The following RPS6KA2 variants were observed in gnomAD, a reference collection of about 807,000 sequenced individuals.
The protein encoded by RPS6KA2 is ribosomal protein S6 kinase alpha-2.
Under a neutral mutation model 91.8 loss-of-function variants are expected in RPS6KA2, and 42 were observed. That is an observed-to-expected ratio of 0.46 (90% CI 0.36 to 0.59). The LOEUF (loss-of-function observed/expected upper bound fraction) is 0.59. Among genes scored for constraint, RPS6KA2 ranks in the 20% least tolerant of loss-of-function variants. The pLI is 0.00. For synonymous variants in RPS6KA2, 414 were observed against 393.6 expected, an observed-to-expected ratio of 1.05 and a Z score of -0.61; for missense variants, 798 against 978.5, an observed-to-expected ratio of 0.82 and a Z score of 2.46.
chr6:166,464,320 C>T (rs1780440126), intron 11 of RPS6KA2, among the ~76,000 whole-genome samples: 1 of 152,238 alleles, frequency 6.6e-6, no homozygotes, highest in African/African-American at 2.4e-5. Flanking sequence ...GTCTCCTCTA[C>T]AAGTTTCTCC....
At chr6:166,846,625 T>C (rs1284251856) in intron 2 of RPS6KA2, among the ~76,000 whole-genome samples, 1 of 152,176 alleles carries the variant, frequency 6.6e-6, no homozygotes, top group Non-Finnish European at 1.5e-5. Context: ...ATCATCCCAA[T>C]AGATGCAGAA....
chr6:166,646,905 C>A (rs1787623099), intron 2 of RPS6KA2, among the ~76,000 whole-genome samples: 1 of 152,136 alleles, frequency 6.6e-6, no homozygotes, highest in Non-Finnish European at 1.5e-5. Flanking sequence ...GCGAGCCGCT[C>A]CCCTGTGTGC....
At chr6:166,695,791 G>A (rs1789340643) in intron 2 of RPS6KA2, among the ~76,000 whole-genome samples, 2 of 138,012 alleles carry the variant, frequency 1.4e-5, no homozygotes, top group South Asian at 4.2e-4. Flanking sequence ...ATTCTCACAG[G>A]AGCACTGGAT....
chr6:166,860,753 A>G (rs1781029101), intron 1 of RPS6KA2, among the ~76,000 whole-genome samples: 1 of 152,204 alleles, frequency 6.6e-6, no homozygotes, highest in South Asian at 2.1e-4. Context: ...ATGAGAAAAG[A>G]ACTTCTAGCT....
chr6:166,816,144 T>G (rs1400742469), intron 2 of RPS6KA2, among the ~76,000 whole-genome samples: 1 of 152,118 alleles, frequency 6.6e-6, no homozygotes, highest in East Asian at 1.9e-4. Context: ...ATAAGCAAAA[T>G]CCTGCTTCGT....
At chr6:166,854,326 A>G (rs1158163615) in intron 2 of RPS6KA2, among the ~76,000 whole-genome samples, 1 of 152,224 alleles carries the variant, frequency 6.6e-6, no homozygotes, top group Non-Finnish European at 1.5e-5. Flanking sequence ...GTGAGGAATC[A>G]CATGCCTAGA....
intron 5 of RPS6KA2, among the ~76,000 whole-genome samples, chr6:166,505,443 C>T (rs940547653): frequency 1.3e-4 from 20 of 152,190 alleles, no homozygotes; most frequent in African/African-American, 3.9e-4. Flanking sequence ...TTTTGTAGAC[C>T]CCCTTAAGAG....
chr6:166,637,500 G>C (rs1050865262), intron 2 of RPS6KA2, among the ~76,000 whole-genome samples: 3 of 152,240 alleles, frequency 2.0e-5, no homozygotes, highest in Non-Finnish European at 4.4e-5. Flanking sequence ...GGTGGTAGGG[G>C]ACACACAAGG....
Position 166,563,924 on chromosome 6 carries a change from A to G in RPS6KA2, c.100-25140T>C, listed in dbSNP as rs984384907. On this transcript the variant is annotated intron_variant, in intron 1 of 20. Transcript: ENST00000265678. The surrounding 1 kb of genome is among the most constrained non-coding windows in gnomAD (Gnocchi z 4.1). ...TCAACACGCAGCTGGACGTGGCAGGAAAGAGGAGACGATTACTCCGTGTCT... is the reference window on the plus strand; with the variant it reads ...TCAACACGCAGCTGGACGTGGCAGGGAAGAGGAGACGATTACTCCGTGTCT... 6.6e-6 allele frequency among the ~76,000 whole-genome samples: 1 copy of G among 152,166 alleles called. No homozygotes were observed. Among genetic ancestry groups the G allele is most frequent in the Non-Finnish European group, 1.5e-5 (1 of 68,026 alleles).
chr6:166,605,659 C>T (rs561924554), intron 1 of RPS6KA2, among the ~76,000 whole-genome samples: 21 of 152,224 alleles, frequency 1.4e-4, no homozygotes, highest in South Asian at 6.2e-4. Flanking sequence ...GAAAGGGCCA[C>T]GTGAGGTGGC....
intron 1 of RPS6KA2, among the ~76,000 whole-genome samples, chr6:166,556,576 A>G (rs182512563): frequency 6.6e-6 from 1 of 152,348 alleles, no homozygotes; most frequent in African/African-American, 2.4e-5. Context: ...ACCTATAGGA[A>G]TGAAGATGAC....
In RPS6KA2 at chr6:166,494,914, C is replaced by T. The variant is rs999800734; in HGVS notation, c.747+3594G>A. On this transcript the variant is annotated intron_variant, in intron 8 of 20. Coordinates refer to ENST00000265678, the MANE Select transcript of RPS6KA2 (RefSeq NM_021135.6). The surrounding 1 kb of genome is among the most constrained non-coding windows in gnomAD (Gnocchi z 5.1). ...CACGCACAACGGCTCTGCACCGATCCGCTTACAAGGCTTGGGTAAGATACG... is the reference window on the plus strand; with the variant it reads ...CACGCACAACGGCTCTGCACCGATCTGCTTACAAGGCTTGGGTAAGATACG... Among the ~76,000 whole-genome samples, 7 of 152,200 alleles carry T rather than the reference C, an allele frequency of 4.6e-5. No homozygotes were observed. The highest frequency in any genetic ancestry group is 1.2e-4 in the African/African-American group (5 of 41,452).
chr6:166,560,907 T>C (rs374073182), intron 1 of RPS6KA2, among the ~76,000 whole-genome samples: 36 of 151,352 alleles, frequency 2.4e-4, no homozygotes, highest in East Asian at 2.1e-3. Context: ...CCACGGTCCT[T>C]TTGGGGCGTA....
intron 2 of RPS6KA2, among the ~76,000 whole-genome samples, chr6:166,840,538 G>C (rs577847199): frequency 6.6e-6 from 1 of 151,970 alleles, no homozygotes; most frequent in Non-Finnish European, 1.5e-5. Flanking sequence ...TCCTTTCCTC[G>C]CCATTTCTCC....
intron 2 of RPS6KA2, among the ~76,000 whole-genome samples, chr6:166,783,037 G>T (rs987572717): frequency 1.3e-5 from 2 of 148,748 alleles, no homozygotes; most frequent in Non-Finnish European, 3.0e-5. Context: ...TTGCTGCAGG[G>T]TATCTTTTAG....
At position 166,844,060 on chromosome 6, in the gene RPS6KA2, T is replaced by C. The variant is rs545928966; in HGVS notation, c.123+14140A>G. ...ATGAAAGGAAAATTCTTCAGTGAAA[T>C]AGCATAAATAAAAAAATAATCACAA... On this transcript the variant is annotated intron_variant, in intron 2 of 21. Transcript: ENST00000503859. 5.9e-5 allele frequency among the ~76,000 whole-genome samples: 9 copies of C among 151,444 alleles called. No homozygotes were observed. The South Asian group carries it at 1.5e-3, about 24-fold the overall frequency.
chr6:166,704,123 C>G (rs742266), intron 2 of RPS6KA2, among the ~76,000 whole-genome samples: 3,949 of 152,240 alleles, frequency 0.026, 170 homozygotes, highest in African/African-American at 0.088. Flanking sequence ...GAACAATTCT[C>G]CCCTCCAAAT....
rs140260381 is a variant in RPS6KA2 at position 166,444,829 on chromosome 6, G to T, written c.1332+3895C>A. On this transcript the variant is annotated intron_variant, in intron 14 of 20. Transcript: ENST00000265678. Reference sequence around the variant, plus strand: ...TTGGAGACTGCGATAGCTAGAATTGGTCTTAATTTTAGTCCTAATTTTAGG... The same window carrying T: ...TTGGAGACTGCGATAGCTAGAATTGTTCTTAATTTTAGTCCTAATTTTAGG... 3.6e-3 allele frequency among the ~76,000 whole-genome samples: 544 copies of T among 152,270 alleles called. 3 individuals carry two copies. Among genetic ancestry groups the T allele is most frequent in the Non-Finnish European group, 5.0e-3 (340 of 68,022 alleles).
At chr6:166,454,485 G>A (rs761919059) in intron 12 of RPS6KA2, among the ~76,000 whole-genome samples, 1 of 150,558 alleles carries the variant, frequency 6.6e-6, no homozygotes, top group African/African-American at 2.5e-5. Flanking sequence ...GTGACAGAGC[G>A]AGACTCTGTC....
Sources: gnomAD v4.1 joint callset for allele counts (sites outside exome capture counted in the v4.1 genomes callset) on GRCh38, gnomAD v4.1.1 for gene constraint, Gnocchi (gnomAD v3.1) non-coding constraint, MANE v1.5 for transcripts, NCBI Gene and HGNC (gene_info 2026-07-23, HGNC 2026-07-21) for gene names.